The following LRPPRC variants were observed in gnomAD, a reference collection of about 807,000 sequenced individuals.
LRPPRC encodes leucine-rich PPR motif-containing protein, mitochondrial.
In LRPPRC, 120 loss-of-function variants were observed where a neutral mutation model predicts 180.3. That is an observed-to-expected ratio of 0.67 (90% CI 0.57 to 0.77). The LOEUF is 0.77. Ranked by LOEUF, LRPPRC falls within the 30% of genes least tolerant of loss-of-function variation. The pLI, the probability that LRPPRC is intolerant of heterozygous loss-of-function variation, is 0.00. For synonymous variants in LRPPRC, 723 were observed against 600.0 expected (o/e 1.21, Z -3.00); for missense variants, 2,012 against 1,657.2 (o/e 1.21, Z -3.72).
intron 23 of LRPPRC, among the ~76,000 whole-genome samples, chr2:43,938,314 A>G (rs1672348905): frequency 6.6e-6 from 1 of 152,212 alleles, no homozygotes; most frequent in Non-Finnish European, 1.5e-5. Flanking sequence ...GGTGCAAATT[A>G]AAAATATAAG....
intron 1 of LRPPRC, among the ~76,000 whole-genome samples, chr2:43,992,992 ACC>A (rs1233792603): frequency 6.6e-6 from 1 of 152,224 alleles, no homozygotes; most frequent in African/African-American, 2.4e-5. Flanking sequence ...GAGTAAAACT[ACC>A]AAGAACATCA....
intron 5 of LRPPRC, 55 bp from the exon 6 acceptor site, chr2:43,976,284 C>CAA (rs1312493441): frequency 1.1e-5 from 10 of 948,656 alleles, no homozygotes; most frequent in Non-Finnish European, 1.7e-5. Context: ...ACACTCTTTA[C>CAA]AACATGTACA....
In LRPPRC at chr2:43,974,998, C is replaced by A; in HGVS notation, c.864+93G>T. On this transcript the variant is annotated intron_variant, in intron 7 of 37. Transcript: ENST00000260665. ...TTCTGCAAGGAAACATCTTTGAAAA[C>A]AGGTATAAACTTCACTTTCCTGCCT... 7.7e-7 allele frequency: 1 copy of A among 1,293,712 alleles called. No homozygotes were observed. Among genetic ancestry groups the A allele is most frequent in the Non-Finnish European group, 1.1e-6 (1 of 903,698 alleles). 80.1% of individuals were successfully genotyped at this position (1,293,712 alleles called of 1,614,324 possible).
rs1672725714 is a variant in LRPPRC at position 43,947,377 on chromosome 2, A to C, written c.1966-7T>G. 2 of 1,355,032 alleles carry C rather than the reference A, an allele frequency of 1.5e-6. No individual in the cohort carries two copies. Among genetic ancestry groups the C allele is most frequent in the Non-Finnish European group, 2.1e-6 (2 of 946,594 alleles). 83.9% of individuals were successfully genotyped at this position (1,355,032 alleles called of 1,614,324 possible). A position where few individuals can be genotyped will look rare whatever the true frequency, so the allele number is the denominator to read the frequency against. ...ATGATGTAAGTTGCACAGTCTACAG[A>C]AAAGAAAAAAGAAAAGAAAAATTTC... On this transcript the variant is annotated splice_polypyrimidine_tract_variant and splice_region_variant and intron_variant, in intron 19 of 37. Transcript: ENST00000260665.
intron 1 of LRPPRC, among the ~76,000 whole-genome samples, chr2:43,995,133 C>T (rs1674969670): frequency 1.3e-5 from 2 of 152,024 alleles, no homozygotes; most frequent in Admixed American, 6.5e-5. Flanking sequence ...CCCAGCTACT[C>T]GGGAGGCTGA....
At chr2:43,918,823 CTATATATAGATATCTCTA>C (rs1671585761) in intron 27 of LRPPRC, among the ~76,000 whole-genome samples, 1 of 139,568 alleles carries the variant, frequency 7.2e-6, no homozygotes, top group South Asian at 2.3e-4. Flanking sequence ...ATATATATAT[CTATATATAGATATCTCTA>C]TATATAGAGA....
At position 43,888,477 on chromosome 2, in the gene LRPPRC, T is replaced by C. The variant is rs1328862645; in HGVS notation, c.*123A>G. On this transcript the variant is annotated 3_prime_UTR_variant, in exon 38 of 38. Transcript: ENST00000260665. ...GTTATGGTCAATAAGACTTTGAACA[T>C]GCATCACACATACATAAGTACATAA... 2 of 668,684 alleles carry C rather than the reference T, an allele frequency of 3.0e-6. No homozygotes were observed. The highest frequency in any genetic ancestry group is 4.3e-5 in the Admixed American group (2 of 46,174). 41.4% of individuals were successfully genotyped at this position (668,684 alleles called of 1,614,324 possible). A position where few individuals can be genotyped will look rare whatever the true frequency, so the allele number is the denominator to read the frequency against.
At chr2:43,896,441 C>T (rs116104003) in intron 35 of LRPPRC, 193 bp downstream of exon 35, 4 of 519,170 alleles carry the variant, frequency 7.7e-6, no homozygotes, top group East Asian at 7.0e-5. Context: ...AAAATTCCTG[C>T]GTGAACTTGT....
intron 1 of LRPPRC, among the ~76,000 whole-genome samples, chr2:43,983,065 C>T (rs184516395): frequency 6.6e-6 from 1 of 151,716 alleles, no homozygotes; most frequent in East Asian, 1.9e-4. Context: ...GTATTCTTTC[C>T]TAATTATTTA....
At chr2:43,918,816 T>C (rs1447353377) in intron 27 of LRPPRC, among the ~76,000 whole-genome samples, 3 of 142,614 alleles carry the variant, frequency 2.1e-5, no homozygotes, top group Non-Finnish European at 3.0e-5. Context: ...TATAGATATA[T>C]ATATATCTAT....
chr2:43,923,784 T>C (rs900029257), intron 27 of LRPPRC, among the ~76,000 whole-genome samples: 12 of 152,040 alleles, frequency 7.9e-5, no homozygotes, highest in Admixed American at 5.2e-4. Context: ...TTTAGACATA[T>C]AGTCAGTGCT....
At chr2:43,976,001 T>C (rs1674038352) in intron 6 of LRPPRC, 142 bp downstream of exon 6, 4 of 615,868 alleles carry the variant, frequency 6.5e-6, no homozygotes, top group Non-Finnish European at 8.7e-6. Flanking sequence ...TTTGAAGGGA[T>C]AGACAAATGT....
At chr2:43,954,947 A>G (rs1673046636) in intron 14 of LRPPRC, among the ~76,000 whole-genome samples, 1 of 152,212 alleles carries the variant, frequency 6.6e-6, no homozygotes, top group Non-Finnish European at 1.5e-5. Flanking sequence ...AAAACAAAGC[A>G]AAACTTCAAA....
rs1317347876 is a variant in LRPPRC at position 43,995,838 on chromosome 2, G to A, written c.110C>T (p.Ala37Val). Reference sequence around the variant, plus strand: ...GGCGCGAGCGGCGGGCAGATAGGAGGCGGCATGCAGCCGGCCCGGGCCGCC... The same window carrying A: ...GGCGCGAGCGGCGGGCAGATAGGAGACGGCATGCAGCCGGCCCGGGCCGCC... ...LPGGPGRLHAASYLPAARAGP... is the reference protein window; with the variant it reads ...LPGGPGRLHAVSYLPAARAGP... Residue 37 changes from alanine to valine, a missense_variant, in exon 1 of 38, where the codon GCC becomes GTC. By Grantham distance (64) the Ala-to-Val change is moderately conservative. Transcript: ENST00000260665. The A allele has an allele frequency of 2.8e-6, 4 of 1,449,892 alleles. No individual in the cohort carries two copies. In the South Asian group the frequency reaches 4.2e-5, roughly 15 times the overall value. 89.8% of individuals were successfully genotyped at this position (1,449,892 alleles called of 1,614,324 possible).
At chr2:43,905,103 A>C (rs1216465968) in intron 31 of LRPPRC, among the ~76,000 whole-genome samples, 2 of 152,226 alleles carry the variant, frequency 1.3e-5, no homozygotes, top group Non-Finnish European at 1.5e-5. Context: ...CATTCTCTTA[A>C]CATTAATTTG....
intron 25 of LRPPRC, 76 bp downstream of exon 25, chr2:43,934,114 G>C: frequency 1.2e-6 from 1 of 824,636 alleles, no homozygotes; most frequent in East Asian, 2.7e-5. Flanking sequence ...TGTAATTAAA[G>C]GTTAAAATTT....
intron 32 of LRPPRC, 186 bp from the exon 33 acceptor site, chr2:43,899,791 C>T (rs1385612414): frequency 6.7e-6 from 4 of 595,026 alleles, no homozygotes; most frequent in Non-Finnish European, 8.9e-6. Context: ...GTAGCAAAAA[C>T]ATTCACTAGC....
chr2:43,926,485 A>T (rs1190774003), intron 25 of LRPPRC, among the ~76,000 whole-genome samples: 4 of 152,076 alleles, frequency 2.6e-5, no homozygotes, highest in African/African-American at 9.7e-5. Flanking sequence ...CTCCTGCCTC[A>T]GCCTCCCAAG....
intron 12 of LRPPRC, among the ~76,000 whole-genome samples, chr2:43,962,031 C>G (rs1673367995): frequency 6.6e-6 from 1 of 152,178 alleles, no homozygotes; most frequent in Non-Finnish European, 1.5e-5. Flanking sequence ...TAGTTGTTTT[C>G]AATCCCAAAA....
Sources: allele counts gnomAD v4.1 joint callset (sites outside exome capture counted in the v4.1 genomes callset), GRCh38; gene constraint gnomAD v4.1.1; transcripts MANE v1.5; gene names NCBI Gene and HGNC (gene_info 2026-07-23, HGNC 2026-07-21).